PCDHGA12: variants seen among roughly 807,000 people sequenced by gnomAD.
PCDHGA12 encodes the protein protocadherin gamma subfamily A, 12.
In PCDHGA12, 43 loss-of-function variants were observed where a neutral mutation model predicts 61.1. That is an observed-to-expected ratio of 0.70 (90% CI 0.55 to 0.91). PCDHGA12 has a LOEUF of 0.91. Among genes scored for constraint, PCDHGA12 ranks in the 40% least tolerant of loss-of-function variants. The pLI is 0.00. For synonymous variants in PCDHGA12, 520 were observed against 542.9 expected, an observed-to-expected ratio of 0.96 and a Z score of 0.59; for missense variants, 1,236 against 1,227.7, an observed-to-expected ratio of 1.01 and a Z score of -0.10.
At chr5:141,433,353 G>C (rs2097584366) in intron 1 of PCDHGA12, 170 bp downstream of exon 1, 4 of 603,272 alleles carry the variant, frequency 6.6e-6, no homozygotes, top group South Asian at 6.2e-5. Context: ...GCCACCTACT[G>C]TCTGCCTATC....
intron 1 of PCDHGA12, among the ~76,000 whole-genome samples, chr5:141,439,221 T>G (rs145700274): frequency 1.2e-3 from 182 of 151,852 alleles, no homozygotes; most frequent in African/African-American, 4.3e-3. Flanking sequence ...ATGTGAAAAT[T>G]CTTAGAAGCT....
At chr5:141,484,877 G>T in intron 1 of PCDHGA12, 1 of 338,660 alleles carries the variant, frequency 3.0e-6, no homozygotes, top group Non-Finnish European at 5.4e-6. Context: ...GTGGAGGATA[G>T]GGTGGGCTTT....
At chr5:141,475,161 A>G (rs1433985907) in intron 1 of PCDHGA12, among the ~76,000 whole-genome samples, 1 of 152,138 alleles carries the variant, frequency 6.6e-6, no homozygotes, top group Non-Finnish European at 1.5e-5. Context: ...CTTCTTCATT[A>G]GCAGTGCAAC....
At position 141,489,295 on chromosome 5, in the gene PCDHGA12, T is replaced by C. The variant is rs2099685128; in HGVS notation, c.2425-5512T>C. 1.3e-6 allele frequency: 2 copies of C among 1,581,054 alleles called. No individual in the cohort carries two copies. The highest frequency in any genetic ancestry group is 1.7e-5 in the Admixed American group (1 of 57,148). ...TGGGAAATGGCAAGTGCTGTGCATG[T>C]TGTCCTTGTGCTGCTGGGGCTGGGT... On this transcript the variant is annotated intron_variant, in intron 1 of 3. Transcript: ENST00000252085. The surrounding 1 kb of genome is among the most constrained non-coding windows in gnomAD (Gnocchi z 4.5).
At chr5:141,484,071 T>C (rs1405337642) in intron 1 of PCDHGA12, among the ~76,000 whole-genome samples, 1 of 152,144 alleles carries the variant, frequency 6.6e-6, no homozygotes, top group Non-Finnish European at 1.5e-5. Flanking sequence ...GTGAAAAGCT[T>C]GCTCTTTTGA....
At position 141,485,325 on chromosome 5, in the gene PCDHGA12, A is replaced by T; in HGVS notation, c.2425-9482A>T. 6.2e-7 allele frequency: 1 copy of T among 1,614,078 alleles called. No homozygotes were observed. Among genetic ancestry groups the T allele is most frequent in the Non-Finnish European group, 8.5e-7 (1 of 1,180,014 alleles). ...ACTTTTGTAGGGAATGTCGCTCAAG[A>T]TTTCCTGCTGGATACGGACAGTCTG... is the stretch of plus-strand genomic sequence containing the variant. On this transcript the variant is annotated intron_variant, in intron 1 of 3. Coordinates refer to ENST00000252085, the MANE Select transcript of PCDHGA12 (RefSeq NM_003735.3). This position sits in a 1 kb window ranked among gnomAD's most constrained non-coding sequence, Gnocchi z 5.7.
chr5:141,455,388 A>C (rs1415223043), intron 1 of PCDHGA12, among the ~76,000 whole-genome samples: 1 of 152,086 alleles, frequency 6.6e-6, no homozygotes, highest in Non-Finnish European at 1.5e-5. Context: ...AGAAGGAAGG[A>C]GCTCCCCCTT....
Position 141,477,464 on chromosome 5 carries a change from A to G in PCDHGA12, c.2425-17343A>G. The G allele has an allele frequency of 1.2e-6, 2 of 1,614,188 alleles. No homozygotes were observed. The highest frequency in any genetic ancestry group is 1.7e-6 in the Non-Finnish European group (2 of 1,180,034). On this transcript the variant is annotated intron_variant, in intron 1 of 3. Coordinates refer to ENST00000252085, the MANE Select transcript of PCDHGA12 (RefSeq NM_003735.3). This position sits in a 1 kb window ranked among gnomAD's most constrained non-coding sequence, Gnocchi z 4.9. ...AATAGTGCGTGTTCAAGTGTCCGAC[A>G]TCAATGACAACCCTCCACAATCTTC...
intron 1 of PCDHGA12, among the ~76,000 whole-genome samples, chr5:141,468,979 C>T (rs1394344696): frequency 6.7e-6 from 1 of 149,482 alleles, no homozygotes; most frequent in African/African-American, 2.5e-5. Flanking sequence ...CTTTTGACTT[C>T]CAAAATTATT....
At position 141,491,591 on chromosome 5, in the gene PCDHGA12, G is replaced by A. The variant is rs969259993; in HGVS notation, c.2425-3216G>A. 22 of 1,613,862 alleles carry A rather than the reference G, an allele frequency of 1.4e-5. No individual in the cohort carries two copies. The highest frequency in any genetic ancestry group is 1.8e-5 in the Non-Finnish European group (21 of 1,180,048). ...ACGTGCTTTTCACCGGCCTCGGACG[G>A]CAGTGACTTCACTTTTCTAAGACCC... On this transcript the variant is annotated intron_variant, in intron 1 of 3. Coordinates refer to ENST00000252085, the MANE Select transcript of PCDHGA12 (RefSeq NM_003735.3). This position sits in a 1 kb window ranked among gnomAD's most constrained non-coding sequence, Gnocchi z 6.9.
chr5:141,478,509 G>C, intron 1 of PCDHGA12: 1 of 1,611,878 alleles, frequency 6.2e-7, no homozygotes, highest in Non-Finnish European at 8.5e-7. Context: ...GTGTTCTATA[G>C]GCAGGTGTTG....
rs781229038 is a variant in PCDHGA12, at chr5:141,489,990, A to C, written c.2425-4817A>C. 1.2e-4 allele frequency: 194 copies of C among 1,614,138 alleles called. No individual in the cohort carries two copies. Among genetic ancestry groups the C allele is most frequent in the Non-Finnish European group, 1.6e-4 (188 of 1,180,038 alleles). Reference sequence around the variant, plus strand: ...TCCAATCCTCAGTTCTACGTGTGGGAATCCCAGAGAATGCACCCATTGGTA... The same window carrying C: ...TCCAATCCTCAGTTCTACGTGTGGGCATCCCAGAGAATGCACCCATTGGTA... On this transcript the variant is annotated intron_variant, in intron 1 of 3. Transcript: ENST00000252085. The surrounding 1 kb of genome is among the most constrained non-coding windows in gnomAD (Gnocchi z 4.5).
chr5:141,487,890 G>C lies in PCDHGA12; in HGVS notation c.2425-6917G>C. 3 of 745,430 alleles carry C rather than the reference G, an allele frequency of 4.0e-6. No homozygotes were observed. Among genetic ancestry groups the C allele is most frequent in the Non-Finnish European group, 6.5e-6 (3 of 462,522 alleles). The allele number at this position is 745,430 out of a possible 1,614,324, so 46.2% of individuals were successfully genotyped here. A position where few individuals can be genotyped will look rare whatever the true frequency, so the allele number is the denominator to read the frequency against. On this transcript the variant is annotated intron_variant, in intron 1 of 3. Coordinates refer to ENST00000252085, the MANE Select transcript of PCDHGA12 (RefSeq NM_003735.3). This position sits in a 1 kb window ranked among gnomAD's most constrained non-coding sequence, Gnocchi z 5.0. ...AAGAGCCAGGCTGTTGTGGAAGCAT[G>C]ATGATGGAATGTGGGAGCACAGGAG...
At chr5:141,460,122 G>A (rs530307574) in intron 1 of PCDHGA12, among the ~76,000 whole-genome samples, 2 of 151,928 alleles carry the variant, frequency 1.3e-5, no homozygotes, top group African/African-American at 4.8e-5. Flanking sequence ...TTTTATATAT[G>A]TAATATATAT....
In PCDHGA12 at chr5:141,487,636, AC is replaced by A. The variant is rs1562120737; in HGVS notation, c.2425-7170del. On this transcript the variant is annotated intron_variant, in intron 1 of 3. Coordinates refer to ENST00000252085, the MANE Select transcript of PCDHGA12 (RefSeq NM_003735.3). The surrounding 1 kb of genome is among the most constrained non-coding windows in gnomAD (Gnocchi z 5.0). ...TAGAGGTGAGACCTTTGCAGGCTCA[AC>A]AAATGCTTGAGGGTTATTCTGATCC... 1 of 1,614,192 alleles carries A rather than the reference AC, an allele frequency of 6.2e-7. No individual in the cohort carries two copies. The highest frequency in any genetic ancestry group is 2.2e-5 in the East Asian group (1 of 44,886).
At position 141,477,146 on chromosome 5, in the gene PCDHGA12, G is replaced by A. The variant is rs1447966302; in HGVS notation, c.2425-17661G>A. The stretch of plus-strand genomic sequence containing the variant: ...TTGCAAAGTGTTGGTGGAGGTTGTG[G>A]ATGTGAATGACAACGCCCCGGAGAT... On this transcript the variant is annotated intron_variant, in intron 1 of 3. Coordinates refer to ENST00000252085, the MANE Select transcript of PCDHGA12 (RefSeq NM_003735.3). This position sits in a 1 kb window ranked among gnomAD's most constrained non-coding sequence, Gnocchi z 4.9. 1 of 1,614,182 alleles carries A rather than the reference G, an allele frequency of 6.2e-7. No homozygotes were observed. The highest frequency in any genetic ancestry group is 8.5e-7 in the Non-Finnish European group (1 of 1,180,044).
rs1021096537 is a variant in PCDHGA12, at chr5:141,511,383, T to C, written c.*210T>C. 2 of 1,155,330 alleles carry C rather than the reference T, an allele frequency of 1.7e-6. No homozygotes were observed. Among genetic ancestry groups the C allele is most frequent in the Non-Finnish European group, 2.4e-6 (2 of 841,000 alleles). The allele number at this position is 1,155,330 out of a possible 1,614,324, so 71.6% of individuals were successfully genotyped here. ...GTTGAATATGCAAAAGCAGTTCCGC[T>C]GGGAACCCCCATCCAATCAACTGCT... is the stretch of plus-strand genomic sequence containing the variant. On this transcript the variant is annotated 3_prime_UTR_variant, in exon 4 of 4. Transcript: ENST00000252085.
Position 141,491,543 on chromosome 5 carries a change from A to G in PCDHGA12, c.2425-3264A>G. 6.2e-7 allele frequency: 1 copy of G among 1,613,842 alleles called. No individual in the cohort carries two copies. The highest frequency in any genetic ancestry group is 8.5e-7 in the Non-Finnish European group (1 of 1,179,982). ...ATGGAGGTGACGCTGCGGCCCACAG[A>G]CTCGCAGAGCCACTGCTACAGGACG... On this transcript the variant is annotated intron_variant, in intron 1 of 3. Coordinates refer to ENST00000252085, the MANE Select transcript of PCDHGA12 (RefSeq NM_003735.3). The surrounding 1 kb of genome is among the most constrained non-coding windows in gnomAD (Gnocchi z 6.9).
chr5:141,454,228 T>C (rs6896225), intron 1 of PCDHGA12, among the ~76,000 whole-genome samples: 1,935 of 152,208 alleles, frequency 0.013, 54 homozygotes, highest in African/African-American at 0.044. Flanking sequence ...AAAGTAATTG[T>C]GATGAAAAGG....
Sources: allele counts gnomAD v4.1 joint callset (sites outside exome capture counted in the v4.1 genomes callset), GRCh38; gene constraint gnomAD v4.1.1; non-coding constraint Gnocchi (gnomAD v3.1); transcripts MANE v1.5; gene names NCBI Gene and HGNC (gene_info 2026-07-23, HGNC 2026-07-21).